The following SERINC5 variants were observed in gnomAD, a reference collection of about 807,000 sequenced individuals.
The protein encoded by SERINC5 is chromosome 5 open reading frame 12.
In SERINC5, 41 loss-of-function variants were observed where a neutral mutation model predicts 63.1. The ratio of observed to expected loss-of-function variants is 0.65; its 90% confidence interval spans 0.51 to 0.84. The LOEUF is 0.84. Among genes scored for constraint, SERINC5 ranks in the 40% least tolerant of loss-of-function variants. The pLI, the probability that SERINC5 is intolerant of heterozygous loss-of-function variation, is 0.00. For synonymous variants in SERINC5, 222 were observed against 215.2 expected (o/e 1.03, Z -0.28); for missense variants, 523 against 573.0 (o/e 0.91, Z 0.89).
chr5:80,166,845 A>C (rs532270748), intron 6 of SERINC5: 1 of 207,046 alleles, frequency 4.8e-6, no homozygotes, highest in Admixed American at 5.3e-5. Flanking sequence ...ATAAAACCAC[A>C]TAGCTTAATT....
rs70982044 is a variant in SERINC5 at position 80,243,743 on chromosome 5, T to TTAAATAAATAAA, written c.27+12141_27+12152dup. On this transcript the variant is annotated intron_variant, in intron 1 of 11. Transcript: ENST00000507668. ...CAACATAGTGAGAGCCTGTCTCTAT[T>TTAAATAAATAAA]TAAATAAATAAATAAATAAATAAAT... Among the ~76,000 whole-genome samples the TTAAATAAATAAA allele has an allele frequency of 6.8e-3, 957 of 140,070 alleles. 4 individuals are homozygous for TTAAATAAATAAA. The highest frequency in any genetic ancestry group is 0.015 in the East Asian group (72 of 4,734). The allele number at this position is 140,070 out of a possible 152,430, so 91.9% of individuals were successfully genotyped here.
intron 11 of SERINC5, among the ~76,000 whole-genome samples, chr5:80,121,512 A>G (rs1302825191): frequency 2.0e-5 from 3 of 152,156 alleles, no homozygotes; most frequent in African/African-American, 4.8e-5. Context: ...CCCACCTCCA[A>G]CACTGAGGAT....
At chr5:80,212,906 C>T (rs1396215017) in intron 1 of SERINC5, among the ~76,000 whole-genome samples, 1 of 152,176 alleles carries the variant, frequency 6.6e-6, no homozygotes, top group Non-Finnish European at 1.5e-5. Context: ...CTGGGGCTTA[C>T]AGTGGCTTTC....
At chr5:80,193,452 A>C (rs747845546) in intron 2 of SERINC5, among the ~76,000 whole-genome samples, 4 of 152,202 alleles carry the variant, frequency 2.6e-5, no homozygotes, top group African/African-American at 7.2e-5. Context: ...ACAGAAAAAA[A>C]CGTGTTAGGA....
intron 11 of SERINC5, among the ~76,000 whole-genome samples, chr5:80,117,679 A>G (rs1466213713): frequency 1.3e-5 from 2 of 148,518 alleles, no homozygotes; most frequent in East Asian, 2.0e-4. Flanking sequence ...CCAGTGATTT[A>G]CAACACAGAA....
In SERINC5 at chr5:80,124,204, T is replaced by A. The variant is rs111448931; in HGVS notation, c.1239-10579A>T. Among the ~76,000 whole-genome samples the A allele has an allele frequency of 3.5e-3, 530 of 152,264 alleles. 3 individuals carry two copies. Among genetic ancestry groups the A allele is most frequent in the African/African-American group, 0.012 (501 of 41,564 alleles). ...TCGATTAATAAACTGACAGCTCCCA[T>A]AATTTTTGCCCCTACCTCCAACTTT... On this transcript the variant is annotated intron_variant, in intron 11 of 12. Transcript: ENST00000509193.
chr5:80,131,279 T>C (rs1346871737), intron 11 of SERINC5, among the ~76,000 whole-genome samples: 3 of 152,168 alleles, frequency 2.0e-5, no homozygotes. Flanking sequence ...CCCTACACAC[T>C]CTCTTGCCTG....
chr5:80,150,398 T>C (rs1184791976), intron 9 of SERINC5, among the ~76,000 whole-genome samples: 3 of 152,196 alleles, frequency 2.0e-5, no homozygotes, highest in Non-Finnish European at 4.4e-5. Context: ...TTTAATCCCA[T>C]AGCATACAAA....
At position 80,202,396 on chromosome 5, in the gene SERINC5, AATGATGTGTCC is replaced by A. The variant is rs968507738; in HGVS notation, c.195+479_195+489del. Among the ~76,000 whole-genome samples the A allele has an allele frequency of 1.2e-3, 186 of 152,206 alleles. 4 individuals carry two copies. Among genetic ancestry groups the A allele is most frequent in the Admixed American group, 0.012 (184 of 15,276 alleles). On this transcript the variant is annotated intron_variant, in intron 2 of 11. Coordinates refer to ENST00000507668, the MANE Select transcript of SERINC5 (RefSeq NM_001174072.3). Reference sequence around the variant, plus strand: ...ACATAAACAGACGATTGTGATGGACAATGATGTGTCCATGATGTGTCCAATGATGGACAATG... The same window carrying A: ...ACATAAACAGACGATTGTGATGGACAATGATGTGTCCAATGATGGACAATG...
intron 2 of SERINC5, among the ~76,000 whole-genome samples, chr5:80,178,885 C>A (rs1748232422): frequency 6.6e-6 from 1 of 152,032 alleles, no homozygotes; most frequent in African/African-American, 2.4e-5. Flanking sequence ...CTCACATATA[C>A]ATATACATAC....
At chr5:80,149,714 G>C (rs539569081) in intron 9 of SERINC5, among the ~76,000 whole-genome samples, 7 of 152,224 alleles carry the variant, frequency 4.6e-5, no homozygotes, top group Non-Finnish European at 1.0e-4. Flanking sequence ...CTGTAAAATG[G>C]AGGTAATAGC....
exon 12 of SERINC5, chr5:80,113,603 A>T: frequency 3.5e-6 from 1 of 285,646 alleles, no homozygotes; most frequent in Non-Finnish European, 7.1e-6. Context: ...CCTCAGAATC[A>T]TGGCAGGAGG....
intron 1 of SERINC5, among the ~76,000 whole-genome samples, chr5:80,224,562 A>C (rs1751079643): frequency 6.6e-6 from 1 of 152,232 alleles, no homozygotes. Flanking sequence ...TTGGGGAAGA[A>C]AAGAGAAAAT....
intron 1 of SERINC5, among the ~76,000 whole-genome samples, chr5:80,241,005 T>C (rs1751915749): frequency 6.6e-6 from 1 of 152,206 alleles, no homozygotes; most frequent in African/African-American, 2.4e-5. Flanking sequence ...AATATTGTTT[T>C]TAAGTTAGTT....
At chr5:80,234,134 C>A (rs1278794696) in intron 1 of SERINC5, among the ~76,000 whole-genome samples, 1 of 152,038 alleles carries the variant, frequency 6.6e-6, no homozygotes, top group African/African-American at 2.4e-5. Flanking sequence ...TAAGAGACTG[C>A]ACATTTGAAA....
intron 11 of SERINC5, among the ~76,000 whole-genome samples, chr5:80,132,131 T>G (rs957262290): frequency 5.3e-5 from 8 of 152,110 alleles, no homozygotes; most frequent in African/African-American, 1.9e-4. Flanking sequence ...TCTGCACAAA[T>G]TTTTCACCCC....
intron 2 of SERINC5, among the ~76,000 whole-genome samples, chr5:80,179,943 A>G (rs767450731): frequency 1.3e-5 from 2 of 152,202 alleles, no homozygotes; most frequent in African/African-American, 2.4e-5. Flanking sequence ...TTAAAGGCAA[A>G]AACCCAATAT....
rs111876221 is a variant in SERINC5 at position 80,239,381 on chromosome 5, G to A, written c.27+16515C>T. Among the ~76,000 whole-genome samples, 1,099 of 146,698 alleles carry A rather than the reference G, an allele frequency of 7.5e-3. 14 individuals are homozygous for A. Among genetic ancestry groups the A allele is most frequent in the Non-Finnish European group, 0.012 (781 of 67,102 alleles). ...AAAGGTCTGATATTTTGGCTTCTTA[G>A]TGAAATTTCTCATACCCAGAGGCAC... On this transcript the variant is annotated intron_variant, in intron 1 of 11. Coordinates refer to ENST00000507668, the MANE Select transcript of SERINC5 (RefSeq NM_001174072.3).
chr5:80,253,752 T>C (rs543920757), intron 1 of SERINC5, among the ~76,000 whole-genome samples: 9 of 152,128 alleles, frequency 5.9e-5, no homozygotes, highest in Admixed American at 4.6e-4. Context: ...CAGTACCATA[T>C]TCATTGTTTC....
Sources: gnomAD v4.1 joint callset for allele counts (sites outside exome capture counted in the v4.1 genomes callset) on GRCh38, gnomAD v4.1.1 for gene constraint, MANE v1.5 for transcripts, NCBI Gene and HGNC (gene_info 2026-07-23, HGNC 2026-07-21) for gene names.